WNK2: variants seen among roughly 807,000 people sequenced by gnomAD.
The protein encoded by WNK2 is WNK lysine deficient protein kinase 2.
In WNK2, 67 loss-of-function variants were observed where a neutral mutation model predicts 192.1. The observed-to-expected ratio is 0.35, with a 90% CI of 0.29 to 0.43. The LOEUF (loss-of-function observed/expected upper bound fraction) is 0.43. Among genes scored for constraint, WNK2 ranks in the 20% least tolerant of loss-of-function variants. The pLI is 1.00. For missense variants in WNK2, 2,698 were observed against 3,089.7 expected, an observed-to-expected ratio of 0.87 and a Z score of 3.01; for synonymous variants, 1,439 against 1,393.9, an observed-to-expected ratio of 1.03 and a Z score of -0.72.
intron 28 of WNK2, chr9:93,315,821 G>GTA (rs1854563367): frequency 2.3e-5 from 3 of 129,558 alleles, no homozygotes; most frequent in African/African-American, 9.1e-5. Flanking sequence ...GTGTGTGTGT[G>GTA]TGTATATAAT....
Position 93,292,577 on chromosome 9 carries a change from G to T in WNK2, c.5112G>T (p.Pro1704=), listed in dbSNP as rs1382275162. 58 of 1,571,334 alleles carry T rather than the reference G, an allele frequency of 3.7e-5. No individual in the cohort carries two copies. The highest frequency in any genetic ancestry group is 5.0e-5 in the Non-Finnish European group (58 of 1,156,680). Residue 1704 remains proline, a synonymous_variant, in exon 23 of 30, where the codon CCG becomes CCT. Coordinates refer to ENST00000427277, the MANE Select transcript of WNK2 (RefSeq NM_006648.4). ...GEAGESSAEP[P]PSDMGTVGGQ... is the part of the protein sequence containing the mutation. ...CTGGAGAAAGCTCGGCAGAGCCCCCGCCGAGTGACATGGGCACAGTGGGGG... is the reference window on the plus strand; with the variant it reads ...CTGGAGAAAGCTCGGCAGAGCCCCCTCCGAGTGACATGGGCACAGTGGGGG...
At chr9:93,211,207 C>CACTCATCCACTT (rs1834517221) in intron 2 of WNK2, among the ~76,000 whole-genome samples, 1 of 151,022 alleles carries the variant, frequency 6.6e-6, no homozygotes, top group Non-Finnish European at 1.5e-5. Flanking sequence ...CACATTTACT[C>CACTCATCCACTT]ATTCAATCAC....
At chr9:93,307,073 T>G in intron 27 of WNK2, 4 of 547,602 alleles carry the variant, frequency 7.3e-6, no homozygotes, top group South Asian at 2.2e-5. Flanking sequence ...GGGCTTATCC[T>G]TCCCCGGAAC....
rs1843471280 is a variant in WNK2, at chr9:93,257,319, T to C, written c.2382+180T>C. 1.3e-5 allele frequency among the ~76,000 whole-genome samples: 2 copies of C among 152,122 alleles called. No homozygotes were observed. The highest frequency in any genetic ancestry group is 1.3e-4 in the Admixed American group (2 of 15,284). ...GGGCTGGGCAGTGTGCACAGTCATA[T>C]GCACCAGGAACGCTCCAGGGTCCCA... On this transcript the variant is annotated intron_variant, in intron 11 of 29. Transcript: ENST00000427277. This position sits in a 1 kb window ranked among gnomAD's most constrained non-coding sequence, Gnocchi z 4.7.
At chr9:93,256,640 CGTGT>C (rs796609309) in intron 10 of WNK2, 186 bp downstream of exon 10, 2 of 725,390 alleles carry the variant, frequency 2.8e-6, no homozygotes, top group Non-Finnish European at 4.3e-6. Context: ...TGTGTGTGTA[CGTGT>C]GTGTGTGTGT....
At chr9:93,199,595 G>A (rs988978066) in intron 2 of WNK2, among the ~76,000 whole-genome samples, 3 of 152,204 alleles carry the variant, frequency 2.0e-5, no homozygotes, top group African/African-American at 7.2e-5. Context: ...TTTGGAAGAA[G>A]CATTGAAAAC....
intron 23 of WNK2, 79 bp from the exon 24 acceptor site, chr9:93,297,774 C>T: frequency 6.9e-7 from 1 of 1,446,958 alleles, no homozygotes; most frequent in Non-Finnish European, 9.3e-7. Context: ...TCTCCCACGC[C>T]ACCTCCCTCC....
chr9:93,222,493 A>AC (rs1837088691), intron 2 of WNK2, among the ~76,000 whole-genome samples: 1 of 151,970 alleles, frequency 6.6e-6, no homozygotes, highest in Non-Finnish European at 1.5e-5. Flanking sequence ...CCGCCGACTC[A>AC]CCCCCAACTG....
chr9:93,199,695 G>A (rs1443795214), intron 2 of WNK2, among the ~76,000 whole-genome samples: 2 of 152,004 alleles, frequency 1.3e-5, no homozygotes, highest in Non-Finnish European at 2.9e-5. Context: ...TCAGGAGATC[G>A]AGACCATCCT....
rs1484898284 is a variant in WNK2 at position 93,267,794 on chromosome 9, C to A, written c.3745C>A (p.Gln1249Lys). The change falls in exon 17 of 30, where the codon CAG becomes AAG. Residue 1249 changes from glutamine (Q) to lysine (K), a missense_variant. By Grantham distance (53) the Gln-to-Lys change is moderately conservative. Transcript: ENST00000427277. ...GGCCGAGCGGGAAACGTTCATCGAG[C>A]AGATGAAGGATGTCATGGACAAGGC... ...LQAERETFIEQMKDVMDKAED... is the reference protein window; with the variant it reads ...LQAERETFIEKMKDVMDKAED... The A allele has an allele frequency of 1.9e-6, 3 of 1,611,188 alleles. No homozygotes were observed. The highest frequency in any genetic ancestry group is 2.5e-6 in the Non-Finnish European group (3 of 1,178,964).
intron 2 of WNK2, among the ~76,000 whole-genome samples, chr9:93,224,101 C>T (rs978457844): frequency 2.4e-4 from 37 of 152,156 alleles, no homozygotes; most frequent in African/African-American, 6.3e-4. Flanking sequence ...TACGGCCCCA[C>T]GGAACTGGAG....
At chr9:93,267,409 C>T (rs778481727) in intron 16 of WNK2, among the ~76,000 whole-genome samples, 16 of 152,146 alleles carry the variant, frequency 1.1e-4, no homozygotes, top group Non-Finnish European at 1.6e-4. Flanking sequence ...TTCCCAGTCC[C>T]CGTCCTCGGC....
chr9:93,185,653 T>C (rs1454423139), intron 2 of WNK2, 43 bp downstream of exon 2: 1 of 1,576,824 alleles, frequency 6.3e-7, no homozygotes, highest in Non-Finnish European at 8.6e-7. Context: ...GCAGGGTCTG[T>C]CCGCGAGTGC....
At position 93,289,586 on chromosome 9, in the gene WNK2, C is replaced by T. The variant is rs377198058; in HGVS notation, c.4832C>T (p.Ala1611Val). 1.7e-5 allele frequency: 26 copies of T among 1,511,438 alleles called. No homozygotes were observed. Among genetic ancestry groups the T allele is most frequent in the African/African-American group, 1.7e-4 (12 of 72,634 alleles). The allele number at this position is 1,511,438 out of a possible 1,614,324, so 93.6% of individuals were successfully genotyped here. A position where few individuals can be genotyped will look rare whatever the true frequency, so the allele number is the denominator to read the frequency against. The change falls in exon 20 of 30, where the codon GCG becomes GTG. Residue 1611 changes from alanine to valine, a missense_variant. This residue lies in a region of WNK2 where 1,098 missense variants were observed against 1,101.0 expected (regional missense o/e 1.00). Transcript: ENST00000427277. Reference protein sequence around the residue: ...DLALPPVPKEAVSGRVQLPQP... With the variant: ...DLALPPVPKEVVSGRVQLPQP... ...GCCCTGCCCCCAGTGCCTAAGGAGGCGGTCTCAGGGCGTGTCCAGCTGCCC... is the reference window on the plus strand; with the variant it reads ...GCCCTGCCCCCAGTGCCTAAGGAGGTGGTCTCAGGGCGTGTCCAGCTGCCC...
Position 93,308,337 on chromosome 9 carries a change from C to A in WNK2, c.6269C>A (p.Thr2090Asn). 1.3e-6 allele frequency: 2 copies of A among 1,553,996 alleles called. No individual in the cohort carries two copies. Among genetic ancestry groups the A allele is most frequent in the Non-Finnish European group, 1.7e-6 (2 of 1,148,950 alleles). The change falls in exon 28 of 30, where the codon ACC (threonine) becomes AAC (asparagine). Residue 2090 changes from threonine (T) to asparagine (N), a missense_variant. By Grantham distance (65) the Thr-to-Asn change is moderately conservative. Coordinates refer to ENST00000427277, the MANE Select transcript of WNK2 (RefSeq NM_006648.4). ...LGKEHSSRSS[T>N]SSLAPGPEPG... The stretch of plus-strand genomic sequence containing the variant: ...GTGTGTGACTCCCCAGGGTCCTCCA[C>A]CAGCAGCCTGGCCCCAGGCCCTGAG...
Position 93,229,860 on chromosome 9 carries a change from G to A in WNK2, c.846G>A (p.Thr282=), listed in dbSNP as rs745894034. 3.1e-6 allele frequency: 5 copies of A among 1,613,184 alleles called. No homozygotes were observed. The highest frequency in any genetic ancestry group is 4.2e-6 in the Non-Finnish European group (5 of 1,179,560). ...TGACGGAGCTGATGACCTCAGGGAC[G>A]CTGAAGACGTAAGCTCCGCTTCCTG... ...VLVTELMTSG[T]LKTYLKRFKV... Residue 282 remains threonine, a synonymous_variant, in exon 3 of 30, where the codon ACG becomes ACA. Transcript: ENST00000427277. This position sits in a 1 kb window ranked among gnomAD's most constrained non-coding sequence, Gnocchi z 4.9.
In WNK2 at chr9:93,299,116, C is replaced by T; in HGVS notation, c.5970C>T (p.Ala1990=). 1 of 1,611,850 alleles carries T rather than the reference C, an allele frequency of 6.2e-7. No homozygotes were observed. Reference sequence around the variant, plus strand: ...GAGGCCCTCCCGCTAAGGACCCTGCCCAAGCCAGTGTGGGGCTCACTGCAG... The same window carrying T: ...GAGGCCCTCCCGCTAAGGACCCTGCTCAAGCCAGTGTGGGGCTCACTGCAG... ...SSRGPPAKDP[A]QASVGLTADS... The change falls in exon 25 of 30, where the codon GCC becomes GCT. Residue 1990 remains alanine, a synonymous_variant. Coordinates refer to ENST00000427277, the MANE Select transcript of WNK2 (RefSeq NM_006648.4).
In WNK2 at chr9:93,292,806, A is replaced by C; in HGVS notation, c.5341A>C (p.Ser1781Arg). 6.5e-7 allele frequency: 1 copy of C among 1,537,844 alleles called. No individual in the cohort carries two copies. The highest frequency in any genetic ancestry group is 8.8e-7 in the Non-Finnish European group (1 of 1,141,444). Residue 1781 changes from serine to arginine, a missense_variant, in exon 23 of 30, where the codon AGC (serine) becomes CGC (arginine). Physicochemically the swap from Ser to Arg is moderately radical, Grantham distance 110. Around this residue, in one of 7 missense-constraint regions of WNK2, gnomAD observed 1,098 missense variants for 1,101.0 expected, o/e 1.00. Coordinates refer to ENST00000427277, the MANE Select transcript of WNK2 (RefSeq NM_006648.4). ...PDVYLDEAPS[S>R]PDVKLAVRRA... ...CGTCTACCTGGACGAGGCCCCCTCC[A>C]GCCCCGACGTGAAGCTGGCAGTGCG...
At chr9:93,267,979 G>A in intron 17 of WNK2, 41 bp from the exon 18 acceptor site, 1 of 1,606,732 alleles carries the variant, frequency 6.2e-7, no homozygotes, top group Non-Finnish European at 8.5e-7. Flanking sequence ...GGTGGGCGCT[G>A]CAGCTCAGTG....
Sources: gnomAD v4.1 joint callset for allele counts (sites outside exome capture counted in the v4.1 genomes callset) on GRCh38, gnomAD v4.1.1 for gene constraint, gnomAD v4.1.1 regional missense constraint, Gnocchi (gnomAD v3.1) non-coding constraint, MANE v1.5 for transcripts, NCBI Gene and HGNC (gene_info 2026-07-23, HGNC 2026-07-21) for gene names.